The following RABGAP1 variants were observed in gnomAD, a reference collection of about 807,000 sequenced individuals.
RABGAP1 encodes the protein RAB GTPase activating protein 1, also known as rab GTPase-activating protein 1.
RABGAP1 carries 23 observed loss-of-function variants against 137.6 expected under a neutral mutation model. The ratio of observed to expected loss-of-function variants is 0.17; its 90% CI spans 0.12 to 0.24. RABGAP1 has a LOEUF of 0.24. Ranked by LOEUF, RABGAP1 falls within the 10% of genes least tolerant of loss-of-function variation. The pLI is 1.00. For synonymous variants in RABGAP1, 451 were observed against 450.7 expected (o/e 1.00, Z -0.01); for missense variants, 906 against 1,275.8 (o/e 0.71, Z 4.42).
intron 2 of RABGAP1, among the ~76,000 whole-genome samples, chr9:122,983,864 C>T (rs1295048038): frequency 6.6e-6 from 1 of 152,142 alleles, no homozygotes; most frequent in East Asian, 1.9e-4. Context: ...ATCATGACTC[C>T]ATAGAATTAC....
intron 13 of RABGAP1, among the ~76,000 whole-genome samples, chr9:123,040,599 T>C (rs941526836): frequency 6.6e-5 from 10 of 152,174 alleles, no homozygotes; most frequent in Admixed American, 6.6e-4. Context: ...CAACTCATTC[T>C]TTCTCTTTAA....
intron 19 of RABGAP1, among the ~76,000 whole-genome samples, chr9:123,079,345 T>C (rs571236408): frequency 1.3e-5 from 2 of 151,476 alleles, no homozygotes; most frequent in East Asian, 3.9e-4. Context: ...GTTCAAGTAA[T>C]TCTCCTGTTT....
At position 123,049,480 on chromosome 9, in the gene RABGAP1, A is replaced by G. The variant is rs888275475; in HGVS notation, c.1795-15868A>G. Among the ~76,000 whole-genome samples, 5 of 152,250 alleles carry G rather than the reference A, an allele frequency of 3.3e-5. No individual in the cohort carries two copies. In the East Asian group the frequency reaches 9.6e-4, roughly 29 times the overall value. On this transcript the variant is annotated intron_variant, in intron 13 of 25. Transcript: ENST00000373647. ...TGCTTCTGAGAAATGATTTTGGAAG[A>G]AAAAAGATAATCAGCAAAGGTATTT...
intron 11 of RABGAP1, among the ~76,000 whole-genome samples, chr9:123,011,085 C>T (rs1322550655): frequency 1.3e-5 from 2 of 151,438 alleles, no homozygotes; most frequent in Non-Finnish European, 2.9e-5. Context: ...TTTAATGAGG[C>T]ATGAAGGAAG....
intron 2 of RABGAP1, among the ~76,000 whole-genome samples, chr9:122,969,262 G>A (rs1835342882): frequency 6.6e-6 from 1 of 152,196 alleles, no homozygotes; most frequent in Admixed American, 6.5e-5. Flanking sequence ...CAGCCTAGTT[G>A]TATAGTGGGC....
intron 2 of RABGAP1, among the ~76,000 whole-genome samples, chr9:122,961,307 G>A (rs1834839906): frequency 6.6e-6 from 1 of 152,158 alleles, no homozygotes; most frequent in African/African-American, 2.4e-5. Flanking sequence ...AAGGGAACCT[G>A]CCCATAAGAT....
At position 122,996,141 on chromosome 9, in the gene RABGAP1, G is replaced by C; in HGVS notation, c.1024G>C (p.Ala342Pro). 1 of 1,603,602 alleles carries C rather than the reference G, an allele frequency of 6.2e-7. No individual in the cohort carries two copies. The highest frequency in any genetic ancestry group is 8.5e-7 in the Non-Finnish European group (1 of 1,177,486). The part of the protein sequence containing the change: ...YVQQTTNKEL[A>P]IERCFGLLLS... ...GCAGCAAACAACTAATAAAGAACTT[G>C]CCATTGAAAGGTAAGCATTTTTAGT... Residue 342 changes from alanine (A) to proline (P), a missense_variant, in exon 7 of 26, where the codon GCC becomes CCC. Around this residue, in one of 9 missense-constraint regions of RABGAP1, gnomAD observed 17 missense variants for 57.4 expected, o/e 0.30. Coordinates refer to ENST00000373647, the MANE Select transcript of RABGAP1 (RefSeq NM_012197.4).
At chr9:123,054,196 A>G (rs973578119) in intron 13 of RABGAP1, among the ~76,000 whole-genome samples, 2 of 152,234 alleles carry the variant, frequency 1.3e-5, no homozygotes, top group Non-Finnish European at 2.9e-5. Context: ...AAAGATCATC[A>G]TAATTGGGGA....
chr9:122,934,165 C>A, the RABGAP1 span, among the ~76,000 whole-genome samples: 2 of 151,282 alleles, frequency 1.3e-5, no homozygotes, highest in South Asian at 4.2e-4. Flanking sequence ...GCAAGCTCCG[C>A]CTCCCGGGTT....
At chr9:122,944,901 A>G (rs777477580) in intron 1 of RABGAP1, among the ~76,000 whole-genome samples, 7 of 152,014 alleles carry the variant, frequency 4.6e-5, no homozygotes, top group Non-Finnish European at 8.8e-5. Flanking sequence ...TAGCAAGACT[A>G]TACTTCAGGG....
chr9:122,984,512 C>T lies in RABGAP1; in HGVS notation c.178C>T (p.Leu60=). The T allele has an allele frequency of 1.2e-6, 2 of 1,614,102 alleles. No homozygotes were observed. Among genetic ancestry groups the T allele is most frequent in the Non-Finnish European group, 1.7e-6 (2 of 1,179,998 alleles). The change falls in exon 3 of 26, where the codon CTG becomes TTG. Residue 60 remains leucine, a synonymous_variant. Transcript: ENST00000373647. ...KIVGNGSEQQ[L]QKELADVLMD... is the part of the protein sequence containing the mutation. The stretch of plus-strand genomic sequence containing the variant: ...TGTAGGGAATGGAAGTGAACAGCAG[C>T]TGCAAAAAGAGCTAGCAGATGTACT...
At chr9:123,075,226 A>G (rs1315261952) in intron 17 of RABGAP1, among the ~76,000 whole-genome samples, 1 of 152,076 alleles carries the variant, frequency 6.6e-6, no homozygotes, top group Admixed American at 6.5e-5. Context: ...AGCCTTTTTT[A>G]TGTGTTCATA....
chr9:122,944,400 T>A (rs1309973407), intron 1 of RABGAP1, among the ~76,000 whole-genome samples: 1 of 152,152 alleles, frequency 6.6e-6, no homozygotes, highest in Non-Finnish European at 1.5e-5. Context: ...CAGTGAATTT[T>A]GCTATTGTTT....
chr9:123,027,628 G>A (rs631086), intron 13 of RABGAP1, among the ~76,000 whole-genome samples: 94,973 of 152,160 alleles, frequency 0.62, 36,799 homozygotes, highest in Non-Finnish European at 0.86. Flanking sequence ...AAAGGAGATC[G>A]ATTTAGCAAA....
intron 13 of RABGAP1, among the ~76,000 whole-genome samples, chr9:123,026,675 A>G (rs1588292235): frequency 6.6e-6 from 1 of 152,194 alleles, no homozygotes; most frequent in Non-Finnish European, 1.5e-5. Flanking sequence ...TCTTACCTCC[A>G]GTTGCCTGTA....
chr9:122,998,128 C>CT (rs1326522455), intron 9 of RABGAP1, among the ~76,000 whole-genome samples: 5 of 151,904 alleles, frequency 3.3e-5, no homozygotes, highest in Non-Finnish European at 7.4e-5. Context: ...GAGACAGAGT[C>CT]TTACTCTGTC....
intron 22 of RABGAP1, 29 bp from the exon 23 acceptor site, chr9:123,098,686 T>C (rs762254792): frequency 2.5e-6 from 4 of 1,594,640 alleles, no homozygotes; most frequent in Non-Finnish European, 3.4e-6. Context: ...TCTGTTAACA[T>C]AGTCCCTTTT....
At chr9:123,048,938 T>C (rs952385015) in intron 13 of RABGAP1, among the ~76,000 whole-genome samples, 1 of 152,238 alleles carries the variant, frequency 6.6e-6, no homozygotes, top group African/African-American at 2.4e-5. Context: ...ATAATTTTCC[T>C]GTGGGAAACT....
chr9:122,995,730 A>G (rs1261500497), intron 6 of RABGAP1, among the ~76,000 whole-genome samples: 1 of 151,942 alleles, frequency 6.6e-6, no homozygotes, highest in Non-Finnish European at 1.5e-5. Flanking sequence ...CATCACACCC[A>G]GCTAATTTTT....
Sources: gnomAD v4.1 joint callset for allele counts (sites outside exome capture counted in the v4.1 genomes callset) on GRCh38, gnomAD v4.1.1 for gene constraint, gnomAD v4.1.1 regional missense constraint, MANE v1.5 for transcripts, NCBI Gene and HGNC (gene_info 2026-07-23, HGNC 2026-07-21) for gene names.